The following FGFR1 variants were observed in gnomAD, a reference collection of about 807,000 sequenced individuals.
The protein encoded by FGFR1 is FGFR1/PLAG1 fusion.
FGFR1 carries 18 observed loss-of-function variants against 93.7 expected under a neutral mutation model. The ratio of observed to expected loss-of-function variants is 0.19; its 90% CI spans 0.13 to 0.28. FGFR1 has a LOEUF of 0.28. Among genes scored for constraint, FGFR1 ranks in the 10% least tolerant of loss-of-function variants. FGFR1 has a pLI of 1.00. For synonymous variants in FGFR1, 448 were observed against 429.3 expected (o/e 1.04, Z -0.54); for missense variants, 731 against 1,080.4 (o/e 0.68, Z 4.53).
chr8:38,441,022 G>T (rs1366713680), intron 2 of FGFR1, among the ~76,000 whole-genome samples: 1 of 152,126 alleles, frequency 6.6e-6, no homozygotes, highest in African/African-American at 2.4e-5. Context: ...CGAGCCGCCT[G>T]CACTAGCCAA....
chr8:38,458,564 A>T (rs980595279), intron 1 of FGFR1, among the ~76,000 whole-genome samples: 4 of 152,132 alleles, frequency 2.6e-5, no homozygotes, highest in Non-Finnish European at 5.9e-5. Context: ...AAAAAATTTT[A>T]AAAAGACCAC....
At chr8:38,441,366 GT>G (rs1400114687) in intron 2 of FGFR1, among the ~76,000 whole-genome samples, 1 of 152,122 alleles carries the variant, frequency 6.6e-6, no homozygotes, top group Non-Finnish European at 1.5e-5. Context: ...ACAATGGGGA[GT>G]TCACTACCTC....
chr8:38,437,776 C>T (rs1401161050), intron 2 of FGFR1, among the ~76,000 whole-genome samples: 1 of 152,156 alleles, frequency 6.6e-6, no homozygotes, highest in African/African-American at 2.4e-5. Context: ...TCCCAGGGAA[C>T]ACACCTCTCT....
chr8:38,415,805 C>G (rs758552249), intron 13 of FGFR1, 65 bp downstream of exon 13: 4 of 1,503,386 alleles, frequency 2.7e-6, no homozygotes, highest in Middle Eastern at 2.3e-4. Flanking sequence ...AAGTCACAGG[C>G]TGGAAGACTA....
intron 1 of FGFR1, chr8:38,467,748 C>G (rs888664012): frequency 4.3e-6 from 1 of 232,996 alleles, no homozygotes; most frequent in East Asian, 6.1e-5. Context: ...AGCGGCGGGA[C>G]GAGCGCAGGG....
intron 2 of FGFR1, among the ~76,000 whole-genome samples, chr8:38,446,200 C>T (rs979315154): frequency 6.0e-5 from 9 of 150,746 alleles, no homozygotes; most frequent in Non-Finnish European, 1.0e-4. Flanking sequence ...TCAGCCCTCT[C>T]CCACCTTTTT....
chr8:38,415,523 C>T (rs1816187532), intron 13 of FGFR1, among the ~76,000 whole-genome samples: 1 of 151,382 alleles, frequency 6.6e-6, no homozygotes, highest in Non-Finnish European at 1.5e-5. Context: ...CCTGGTCTCA[C>T]ACTCCTGAGC....
chr8:38,416,507 G>A (rs537354999), intron 12 of FGFR1, among the ~76,000 whole-genome samples: 57 of 141,872 alleles, frequency 4.0e-4, no homozygotes, highest in Admixed American at 9.9e-4. Flanking sequence ...CCAAGCTGGA[G>A]TGCAATGGCG....
chr8:38,456,649 C>T (rs1292524793), intron 2 of FGFR1, among the ~76,000 whole-genome samples: 1 of 152,210 alleles, frequency 6.6e-6, no homozygotes, highest in Non-Finnish European at 1.5e-5. Flanking sequence ...ACTGCAGCCT[C>T]AACTCTTAGG....
rs563737869 is a variant in FGFR1, at chr8:38,417,490, T to C, written c.1553-74A>G. 34 of 1,268,306 alleles carry C rather than the reference T, an allele frequency of 2.7e-5. 1 individual carries two copies. In the South Asian group the frequency reaches 4.1e-4, roughly 15 times the overall value. 78.6% of individuals were successfully genotyped at this position (1,268,306 alleles called of 1,614,324 possible). Reference sequence around the variant, plus strand: ...GGATAAAGGCTAAGGGAGTGGGGTATGTGTCGAGGGGCTGCTTTTCCCTGG... The same window carrying C: ...GGATAAAGGCTAAGGGAGTGGGGTACGTGTCGAGGGGCTGCTTTTCCCTGG... On this transcript the variant is annotated intron_variant, in intron 11 of 17. Transcript: ENST00000447712.
At chr8:38,439,062 C>T (rs1171545489) in intron 2 of FGFR1, among the ~76,000 whole-genome samples, 1 of 152,182 alleles carries the variant, frequency 6.6e-6, no homozygotes, top group East Asian at 1.9e-4. Context: ...AGTAACAATG[C>T]CCTGTTTTGG....
chr8:38,421,203 A>C (rs1354571521), intron 8 of FGFR1, among the ~76,000 whole-genome samples: 3 of 152,114 alleles, frequency 2.0e-5, no homozygotes, highest in African/African-American at 7.2e-5. Flanking sequence ...CTCTTGGGAG[A>C]GGAGAGACGG....
At chr8:38,416,360 C>T (rs933685716) in intron 12 of FGFR1, among the ~76,000 whole-genome samples, 7 of 152,014 alleles carry the variant, frequency 4.6e-5, no homozygotes, top group Non-Finnish European at 8.8e-5. Flanking sequence ...TTTCGGCTCA[C>T]TGCAACCTCT....
chr8:38,465,588 A>G (rs1835316531), intron 1 of FGFR1: 1 of 226,496 alleles, frequency 4.4e-6, no homozygotes, highest in Non-Finnish European at 8.8e-6. Context: ...TAGGATATGT[A>G]AACAAGTCAT....
At chr8:38,418,560 T>A in intron 9 of FGFR1, 187 bp from the exon 10 acceptor site, 5 of 655,058 alleles carry the variant, frequency 7.6e-6, no homozygotes, top group Admixed American at 2.9e-5. Context: ...CTGACCTATT[T>A]CTGCCACAAG....
At chr8:38,458,122 TGC>T (rs1833390377) in intron 1 of FGFR1, among the ~76,000 whole-genome samples, 1 of 152,320 alleles carries the variant, frequency 6.6e-6, no homozygotes, top group South Asian at 2.1e-4. Context: ...AAGTAGTATG[TGC>T]TACAAAGTGA....
intron 12 of FGFR1, among the ~76,000 whole-genome samples, chr8:38,416,448 A>AT (rs57944426): frequency 0.54 from 43,375 of 80,830 alleles, 14,035 homozygotes; most frequent in South Asian, 0.67. Context: ...TGCCTGGCTA[A>AT]TTTTTTTTTT....
At chr8:38,444,500 C>A (rs968992020) in intron 2 of FGFR1, among the ~76,000 whole-genome samples, 1 of 151,644 alleles carries the variant, frequency 6.6e-6, no homozygotes, top group Non-Finnish European at 1.5e-5. Context: ...GTGATCCCCC[C>A]ACCTCAGCCC....
At chr8:38,445,285 T>A (rs1424159459) in intron 2 of FGFR1, among the ~76,000 whole-genome samples, 1 of 152,190 alleles carries the variant, frequency 6.6e-6, no homozygotes, top group African/African-American at 2.4e-5. Context: ...CAATAAATGC[T>A]TCTCCTCTTC....
Sources: allele counts gnomAD v4.1 joint callset (sites outside exome capture counted in the v4.1 genomes callset), GRCh38; gene constraint gnomAD v4.1.1; transcripts MANE v1.5; gene names NCBI Gene and HGNC (gene_info 2026-07-23, HGNC 2026-07-21).